The following GRM7 variants were observed in gnomAD, a reference collection of about 807,000 sequenced individuals.
The protein encoded by GRM7 is metabotropic glutamate receptor 7.
In GRM7, 35 loss-of-function variants were observed where a neutral mutation model predicts 84.5. That is an observed-to-expected ratio of 0.41 (90% CI 0.32 to 0.55). The LOEUF (loss-of-function observed/expected upper bound fraction) is 0.55, where lower values mean the gene tolerates loss of function less well. Ranked by LOEUF, GRM7 falls within the 20% of genes least tolerant of loss-of-function variation. The pLI is 0.19. For synonymous variants in GRM7, 487 were observed against 455.1 expected, an observed-to-expected ratio of 1.07 and a Z score of -0.89; for missense variants, 1,003 against 1,194.6, an observed-to-expected ratio of 0.84 and a Z score of 2.36.
intron 9 of GRM7, among the ~76,000 whole-genome samples, chr3:7,703,290 G>A (rs970231016): frequency 3.3e-5 from 5 of 152,048 alleles, no homozygotes; most frequent in African/African-American, 7.2e-5. Context: ...AAACTCTGGG[G>A]TTTAGATCCA....
intron 2 of GRM7, among the ~76,000 whole-genome samples, chr3:7,214,040 A>T (rs567802449): frequency 1.3e-5 from 2 of 152,132 alleles, no homozygotes; most frequent in Non-Finnish European, 2.9e-5. Flanking sequence ...CTACTTGAAA[A>T]AGATACGTTT....
intron 8 of GRM7, among the ~76,000 whole-genome samples, chr3:7,674,196 CTT>C (rs544007872): frequency 2.8e-5 from 4 of 144,426 alleles, no homozygotes; most frequent in Admixed American, 7.0e-5. Flanking sequence ...GAATTTTTTT[CTT>C]TTTTTTTTTT....
At chr3:7,681,908 CT>C (rs1700382918) in intron 9 of GRM7, 1 of 152,216 alleles carries the variant, frequency 6.6e-6, no homozygotes. Flanking sequence ...ATGTCAACGT[CT>C]TTCCCTTCCT....
At chr3:6,879,764 A>C (rs982010882) in intron 1 of GRM7, among the ~76,000 whole-genome samples, 3 of 152,200 alleles carry the variant, frequency 2.0e-5, no homozygotes, top group African/African-American at 7.2e-5. Flanking sequence ...ATTTATAATG[A>C]GTTTACCTGC....
intron 5 of GRM7, among the ~76,000 whole-genome samples, chr3:7,448,202 A>G (rs9865671): frequency 0.36 from 54,540 of 150,710 alleles, 11,130 homozygotes; most frequent in Non-Finnish European, 0.48. Context: ...TAATGCCGCA[A>G]TAAACATACA....
chr3:7,392,585 C>A (rs1695044601), intron 4 of GRM7, among the ~76,000 whole-genome samples: 1 of 152,222 alleles, frequency 6.6e-6, no homozygotes, highest in Admixed American at 6.5e-5. Context: ...GGCACTGTGG[C>A]AAGTGCATTC....
intron 2 of GRM7, among the ~76,000 whole-genome samples, chr3:7,167,758 A>G (rs2125085171): frequency 6.6e-6 from 1 of 152,132 alleles, no homozygotes; most frequent in East Asian, 1.9e-4. Flanking sequence ...TCACGAGGTC[A>G]GGAGATTGAG....
At chr3:6,941,970 A>G (rs1697909802) in intron 1 of GRM7, among the ~76,000 whole-genome samples, 1 of 152,188 alleles carries the variant, frequency 6.6e-6, no homozygotes. Flanking sequence ...CAACAATTTC[A>G]TTCAGTCTTG....
intron 1 of GRM7, among the ~76,000 whole-genome samples, chr3:7,015,192 C>G (rs1036821083): frequency 1.5e-4 from 23 of 151,518 alleles, no homozygotes; most frequent in African/African-American, 5.6e-4. Context: ...GCTGTGGAAG[C>G]TTTGTTCTTT....
At chr3:6,900,248 C>G (rs1227423873) in intron 1 of GRM7, among the ~76,000 whole-genome samples, 1 of 152,082 alleles carries the variant, frequency 6.6e-6, no homozygotes, top group Non-Finnish European at 1.5e-5. Flanking sequence ...AAACAAGGGG[C>G]TGACATGTGA....
chr3:6,975,915 T>A (rs533334858), intron 1 of GRM7, among the ~76,000 whole-genome samples: 78 of 152,286 alleles, frequency 5.1e-4, no homozygotes, highest in South Asian at 4.1e-4. Flanking sequence ...ACAGAAGGCA[T>A]ATTATGAACA....
intron 4 of GRM7, among the ~76,000 whole-genome samples, chr3:7,338,636 G>A (rs903201177): frequency 2.0e-5 from 3 of 152,030 alleles, no homozygotes; most frequent in African/African-American, 4.8e-5. Context: ...GGGGACATTC[G>A]CCCTTTGAAG....
At chr3:7,130,590 G>GAGGATT (rs1231081004) in intron 1 of GRM7, among the ~76,000 whole-genome samples, 1 of 150,352 alleles carries the variant, frequency 6.7e-6, no homozygotes, top group African/African-American at 2.4e-5. Flanking sequence ...GGCCCATGGA[G>GAGGATT]AGGATTAGTA....
chr3:7,559,152 T>C (rs1443402753), intron 7 of GRM7: 1 of 149,742 alleles, frequency 6.7e-6, no homozygotes, highest in African/African-American at 2.5e-5. Flanking sequence ...TTTTTTTCAT[T>C]GAAATGAGTA....
intron 1 of GRM7, among the ~76,000 whole-genome samples, chr3:6,888,238 A>G (rs1366198085): frequency 6.6e-6 from 1 of 152,034 alleles, no homozygotes. Context: ...TAGTTTAATT[A>G]GATCCCATTT....
intron 4 of GRM7, among the ~76,000 whole-genome samples, chr3:7,366,780 A>T (rs1032976245): frequency 2.6e-5 from 4 of 151,948 alleles, no homozygotes; most frequent in Middle Eastern, 3.4e-3. Context: ...TCTGTATATT[A>T]ATTATCACTC....
At chr3:6,884,471 A>G (rs1037968599) in intron 1 of GRM7, among the ~76,000 whole-genome samples, 2 of 152,212 alleles carry the variant, frequency 1.3e-5, no homozygotes, top group Non-Finnish European at 1.5e-5. Flanking sequence ...TAATTTGATT[A>G]GACACAATCT....
intron 3 of GRM7, 84 bp from the exon 4 acceptor site, chr3:7,306,414 C>T: frequency 8.5e-7 from 1 of 1,181,518 alleles, no homozygotes; most frequent in Non-Finnish European, 1.3e-6. Context: ...AGAATAGTAC[C>T]TTTCCTTTTG....
intron 1 of GRM7, among the ~76,000 whole-genome samples, chr3:7,031,235 A>T (rs1489543066): frequency 1.3e-5 from 2 of 151,968 alleles, no homozygotes; most frequent in African/African-American, 2.4e-5. Flanking sequence ...CTTTTGCTAC[A>T]ATCAAAATAC....
Sources: allele counts gnomAD v4.1 joint callset (sites outside exome capture counted in the v4.1 genomes callset), GRCh38; gene constraint gnomAD v4.1.1; transcripts MANE v1.5; gene names NCBI Gene and HGNC (gene_info 2026-07-23, HGNC 2026-07-21).